PRMT3: variants seen among roughly 807,000 people sequenced by gnomAD.
PRMT3 encodes the protein protein arginine methyltransferase 3.
PRMT3 carries 62 observed loss-of-function variants against 71.9 expected under a neutral mutation model. The observed-to-expected ratio is 0.86, with a 90% CI of 0.70 to 1.07. The LOEUF is 1.07. Among genes scored for constraint, PRMT3 ranks in the 50% least tolerant of loss-of-function variants. The pLI is 0.00. For synonymous variants in PRMT3, 213 were observed against 220.4 expected (o/e 0.97, Z 0.30); for missense variants, 663 against 643.0 (o/e 1.03, Z -0.34).
Position 20,508,582 on chromosome 11 carries a change from G to A in PRMT3, c.*169G>A, listed in dbSNP as rs1366668882. The A allele has an allele frequency of 5.7e-6, 4 of 698,610 alleles. No individual in the cohort carries two copies. Among genetic ancestry groups the A allele is most frequent in the Non-Finnish European group, 1.1e-5 (4 of 380,194 alleles). The allele number at this position is 698,610 out of a possible 1,614,324, so 43.3% of individuals were successfully genotyped here. A position where few individuals can be genotyped will look rare whatever the true frequency, so the allele number is the denominator to read the frequency against. ...TGTGGGAATCTGACATAGTTCAGCT[G>A]AGGAAGAGAATCAGCTGATCCTCAT... is the stretch of plus-strand genomic sequence containing the variant. On this transcript the variant is annotated 3_prime_UTR_variant, in exon 16 of 16. Transcript: ENST00000331079.
At chr11:20,405,247 A>G (rs1395602286) in intron 8 of PRMT3, among the ~76,000 whole-genome samples, 1 of 152,062 alleles carries the variant, frequency 6.6e-6, no homozygotes, top group East Asian at 1.9e-4. Context: ...TTCTGTTTGT[A>G]GTTTATTGAA....
chr11:20,389,806 A>C lies in PRMT3; in HGVS notation c.227A>C (p.Asp76Ala), dbSNP rs1848672886. The change falls in exon 3 of 16, where the codon GAC (aspartate) becomes GCC (alanine). Residue 76 changes from aspartate (D) to alanine (A), a missense_variant. Physicochemically the swap from Asp to Ala is moderately radical, Grantham distance 126. Transcript: ENST00000331079. ...AAGTCTGAGCATCAGTTTAATATTG[A>C]CAGCATGGTTCATAAACATGGTGAG... ...HCKSEHQFNI[D>A]SMVHKHGLEF... 1 of 1,610,896 alleles carries C rather than the reference A, an allele frequency of 6.2e-7. No homozygotes were observed. Among genetic ancestry groups the C allele is most frequent in the African/African-American group, 1.3e-5 (1 of 74,842 alleles).
chr11:20,453,756 G>C (rs1850206541), intron 11 of PRMT3, among the ~76,000 whole-genome samples: 1 of 151,982 alleles, frequency 6.6e-6, no homozygotes, highest in Admixed American at 6.6e-5. Flanking sequence ...ACTCCAGGTT[G>C]AATATCCCTT....
intron 10 of PRMT3, among the ~76,000 whole-genome samples, chr11:20,431,081 G>A (rs74786720): frequency 0.031 from 4,713 of 152,168 alleles, 241 homozygotes; most frequent in African/African-American, 0.11. Flanking sequence ...TATGTTTTCA[G>A]CATAACTTTG....
intron 13 of PRMT3, among the ~76,000 whole-genome samples, chr11:20,467,906 T>C (rs1590086445): frequency 6.6e-6 from 1 of 152,190 alleles, no homozygotes; most frequent in Non-Finnish European, 1.5e-5. Context: ...ATTCTCTTGC[T>C]CTTTGGGATG....
At chr11:20,504,705 TGTGAGAGAGAGA>T (rs1486157014) in intron 15 of PRMT3, among the ~76,000 whole-genome samples, 1 of 109,360 alleles carries the variant, frequency 9.1e-6, no homozygotes, top group Non-Finnish European at 1.8e-5. Flanking sequence ...TGTGTGTGTG[TGTGAGAGAGAGA>T]GAGAGAGAGA....
At chr11:20,434,259 T>C (rs779859836) in intron 10 of PRMT3, among the ~76,000 whole-genome samples, 1 of 152,230 alleles carries the variant, frequency 6.6e-6, no homozygotes, top group African/African-American at 2.4e-5. Flanking sequence ...AAATTCCTTA[T>C]AGATGCTGGT....
At chr11:20,472,866 T>TG (rs1437640312) in intron 13 of PRMT3, among the ~76,000 whole-genome samples, 6 of 1,160 alleles carry the variant, frequency 5.2e-3, no homozygotes, top group African/African-American at 7.2e-3. Context: ...TTTTGGAGGG[T>TG]GGGGGGTGGA....
chr11:20,468,835 T>C (rs939658214), intron 13 of PRMT3, among the ~76,000 whole-genome samples: 23 of 152,166 alleles, frequency 1.5e-4, no homozygotes, highest in African/African-American at 5.1e-4. Flanking sequence ...TTGAAGATTA[T>C]TAGAACCTTT....
chr11:20,448,605 A>G (rs1203821580), intron 10 of PRMT3, among the ~76,000 whole-genome samples: 2 of 150,810 alleles, frequency 1.3e-5, no homozygotes, highest in Non-Finnish European at 3.0e-5. Context: ...CTAGAGATGT[A>G]TCAGTAATTC....
chr11:20,459,906 C>A (rs1312329786), intron 11 of PRMT3, among the ~76,000 whole-genome samples: 1 of 152,180 alleles, frequency 6.6e-6, no homozygotes, highest in African/African-American at 2.4e-5. Flanking sequence ...AATCCAGAGG[C>A]TTTACCTGTT....
chr11:20,471,617 A>G (rs142008499), intron 13 of PRMT3, among the ~76,000 whole-genome samples: 214 of 152,152 alleles, frequency 1.4e-3, no homozygotes, highest in Non-Finnish European at 2.3e-3. Flanking sequence ...TACTGTAGCC[A>G]TATGCTATAG....
intron 10 of PRMT3, among the ~76,000 whole-genome samples, chr11:20,443,081 A>G (rs895967406): frequency 3.3e-5 from 5 of 152,192 alleles, no homozygotes; most frequent in African/African-American, 9.7e-5. Flanking sequence ...CTTTCTTACC[A>G]ACAATGGAAT....
intron 2 of PRMT3, among the ~76,000 whole-genome samples, chr11:20,389,171 G>C (rs1322463983): frequency 6.6e-6 from 1 of 152,170 alleles, no homozygotes; most frequent in Non-Finnish European, 1.5e-5. Flanking sequence ...GTGTATTCCT[G>C]TCTTTAAGTA....
Position 20,407,957 on chromosome 11 carries a change from C to T in PRMT3, c.818C>T (p.Ala273Val). Reference protein sequence around the residue: ...GCGTGILSMFAAKAGAKKVLG... With the variant: ...GCGTGILSMFVAKAGAKKVLG... The stretch of plus-strand genomic sequence containing the variant: ...GGAACTGGAATTCTCTCTATGTTTG[C>T]TGCTAAAGCTGGGGCGAAGAAGGTT... Residue 273 changes from alanine (A) to valine (V), a missense_variant, in exon 9 of 16, where the codon GCT (alanine) becomes GTT (valine). Ala to Val is a moderately conservative substitution (Grantham distance 64). Coordinates refer to ENST00000331079, the MANE Select transcript of PRMT3 (RefSeq NM_005788.4). The T allele has an allele frequency of 6.2e-7, 1 of 1,609,784 alleles. No homozygotes were observed.
chr11:20,429,049 T>C (rs1849603658), intron 10 of PRMT3, among the ~76,000 whole-genome samples: 1 of 152,324 alleles, frequency 6.6e-6, no homozygotes, highest in South Asian at 2.1e-4. Flanking sequence ...TAAGTGACTT[T>C]TGACATTAAA....
chr11:20,432,555 C>G (rs1433689727), intron 10 of PRMT3, among the ~76,000 whole-genome samples: 1 of 151,914 alleles, frequency 6.6e-6, no homozygotes, highest in Non-Finnish European at 1.5e-5. Context: ...TTCTGTTTTC[C>G]TTTCTTTTGA....
chr11:20,489,277 A>G (rs1426344020), intron 13 of PRMT3, among the ~76,000 whole-genome samples: 1 of 152,208 alleles, frequency 6.6e-6, no homozygotes, highest in Non-Finnish European at 1.5e-5. Flanking sequence ...TTGCCTTTGC[A>G]GATTAACCCA....
chr11:20,497,169 TCTC>T (rs1044842016), intron 15 of PRMT3, among the ~76,000 whole-genome samples: 81 of 148,746 alleles, frequency 5.4e-4, no homozygotes, highest in African/African-American at 1.9e-3. Flanking sequence ...CTCAAAATTT[TCTC>T]CTACTTCATT....
Sources: allele counts gnomAD v4.1 joint callset (sites outside exome capture counted in the v4.1 genomes callset), GRCh38; gene constraint gnomAD v4.1.1; transcripts MANE v1.5; gene names NCBI Gene and HGNC (gene_info 2026-07-23, HGNC 2026-07-21).